Variants in PVT1 observed in about 807,000 individuals in gnomAD.
PVT1 encodes the protein CXCR4/PVT1 fusion.
rs183325457 is a variant in PVT1 at position 127,832,596 on chromosome 8, C to T, written n.372+36525C>T. ...GCACATGGCCGGGTGTGGTGGCTCA[C>T]GCCTGTAATCCCAGCACTTTGGGAG... On this transcript the variant is annotated intron_variant and non_coding_transcript_variant, in intron 2 of 10. Transcript: ENST00000651587. Among the ~76,000 whole-genome samples the T allele has an allele frequency of 2.3e-3, 350 of 152,288 alleles. 2 individuals are homozygous for T. The highest frequency in any genetic ancestry group is 3.4e-3 in the Non-Finnish European group (233 of 68,018).
At chr8:127,931,681 G>C (rs566944477) in intron 3 of PVT1, among the ~76,000 whole-genome samples, 8 of 152,210 alleles carry the variant, frequency 5.3e-5, no homozygotes, top group Non-Finnish European at 1.2e-4. Flanking sequence ...ACCACTGAGC[G>C]GCACTGCCAC....
At chr8:128,083,904 T>C (rs765477720) in intron 5 of PVT1, among the ~76,000 whole-genome samples, 1 of 152,200 alleles carries the variant, frequency 6.6e-6, no homozygotes, top group Non-Finnish European at 1.5e-5. Context: ...TATTTTGAAA[T>C]ATACCTTGTT....
intron 3 of PVT1, chr8:127,946,946 G>A (rs1563647057): frequency 6.6e-6 from 1 of 152,140 alleles, no homozygotes; most frequent in East Asian, 1.9e-4. Flanking sequence ...CTTCCTCCAA[G>A]CAGCAGGCTC....
At chr8:127,810,137 T>A (rs1586388824) in intron 2 of PVT1, among the ~76,000 whole-genome samples, 1 of 152,212 alleles carries the variant, frequency 6.6e-6, no homozygotes, top group South Asian at 2.1e-4. Flanking sequence ...ATGCTGGGCC[T>A]GGGGGGCCAC....
intron 2 of PVT1, among the ~76,000 whole-genome samples, chr8:127,846,994 TTTTTTTTTG>T (rs1301779929): frequency 3.0e-5 from 3 of 98,626 alleles, no homozygotes; most frequent in African/African-American, 1.4e-4. Context: ...TTTTTTTTTT[TTTTTTTTTG>T]TTGTTGTTGT....
At chr8:128,018,666 C>T (rs1817400794) in intron 4 of PVT1, among the ~76,000 whole-genome samples, 1 of 152,166 alleles carries the variant, frequency 6.6e-6, no homozygotes, top group South Asian at 2.1e-4. Context: ...GACCTAGTGT[C>T]CAGCCAGCTT....
chr8:127,964,055 G>A lies in PVT1; in HGVS notation n.783-25107G>A, dbSNP rs144759401. Among the ~76,000 whole-genome samples, 1,475 of 152,360 alleles carry A rather than the reference G, an allele frequency of 9.7e-3. 10 individuals carry two copies. Among genetic ancestry groups the A allele is most frequent in the Non-Finnish European group, 0.017 (1,126 of 68,036 alleles). On this transcript the variant is annotated intron_variant and non_coding_transcript_variant, in intron 3 of 10. Transcript: ENST00000651587. ...GGGAGATCCCCACAGGGACTGCGAA[G>A]GCTTATTGCAGATGAAGGAGTGCCA...
At chr8:128,044,924 T>C (rs1173892616) in intron 4 of PVT1, among the ~76,000 whole-genome samples, 2 of 152,232 alleles carry the variant, frequency 1.3e-5, no homozygotes, top group Non-Finnish European at 1.5e-5. Context: ...ATACAATTCT[T>C]GATATGTAGT....
chr8:128,044,830 T>C (rs1813592210), intron 4 of PVT1, among the ~76,000 whole-genome samples: 1 of 152,258 alleles, frequency 6.6e-6, no homozygotes, highest in Non-Finnish European at 1.5e-5. Context: ...TAAATACCAC[T>C]TGTTTGCCCT....
chr8:128,015,480 A>G (rs1817361797), intron 4 of PVT1, among the ~76,000 whole-genome samples: 1 of 152,182 alleles, frequency 6.6e-6, no homozygotes, highest in African/African-American at 2.4e-5. Context: ...TTTCTAAGTC[A>G]GATAATAGTT....
chr8:127,834,344 T>G (rs917211255), intron 2 of PVT1, among the ~76,000 whole-genome samples: 1 of 152,030 alleles, frequency 6.6e-6, no homozygotes, highest in Admixed American at 6.6e-5. Flanking sequence ...TTAATAATGG[T>G]GTCAGGAAAA....
intron 4 of PVT1, among the ~76,000 whole-genome samples, chr8:128,009,267 TAA>T (rs1817283896): frequency 6.6e-6 from 1 of 152,182 alleles, no homozygotes; most frequent in East Asian, 1.9e-4. Context: ...TTTCCACGAC[TAA>T]AAATTGTTTT....
At chr8:127,998,520 T>A (rs1417734834) in intron 4 of PVT1, among the ~76,000 whole-genome samples, 1 of 134,898 alleles carries the variant, frequency 7.4e-6, no homozygotes, top group Non-Finnish European at 1.5e-5. Flanking sequence ...TTCTTCCTTT[T>A]CTTTCCTTCT....
At chr8:128,002,274 A>G (rs1471796031) in intron 4 of PVT1, among the ~76,000 whole-genome samples, 9 of 152,168 alleles carry the variant, frequency 5.9e-5, no homozygotes, top group African/African-American at 1.4e-4. Context: ...CCAGGGATCC[A>G]TGGGCATGAT....
intron 4 of PVT1, among the ~76,000 whole-genome samples, chr8:128,026,033 C>A (rs1023927323): frequency 5.9e-5 from 9 of 152,026 alleles, no homozygotes; most frequent in Non-Finnish European, 1.3e-4. Context: ...CTCACTGCAA[C>A]CTCCGCCTCC....
intron 4 of PVT1, among the ~76,000 whole-genome samples, chr8:128,068,477 A>T (rs555046806): frequency 6.6e-6 from 1 of 152,164 alleles, no homozygotes; most frequent in South Asian, 2.1e-4. Context: ...GGTTGCCAAA[A>T]ATTAGAATAG....
intron 4 of PVT1, among the ~76,000 whole-genome samples, chr8:128,032,184 C>CT (rs1813399648): frequency 6.6e-6 from 1 of 152,228 alleles, no homozygotes; most frequent in African/African-American, 2.4e-5. Flanking sequence ...TCGGTGGAGT[C>CT]TGTGAGGCCC....
At chr8:128,015,628 C>T (rs910298975) in intron 4 of PVT1, among the ~76,000 whole-genome samples, 1 of 152,016 alleles carries the variant, frequency 6.6e-6, no homozygotes, top group Non-Finnish European at 1.5e-5. Context: ...CCAAAATTAA[C>T]TGGCTGTGGT....
chr8:128,054,462 A>G (rs1431787797), intron 4 of PVT1, among the ~76,000 whole-genome samples: 3 of 152,218 alleles, frequency 2.0e-5, no homozygotes, highest in Non-Finnish European at 4.4e-5. Flanking sequence ...GTATGGCCCA[A>G]GGTCTCACAG....
Sources: gnomAD v4.1 joint callset for allele counts (sites outside exome capture counted in the v4.1 genomes callset) on GRCh38, gnomAD v4.1.1 for gene constraint, MANE v1.5 for transcripts, NCBI Gene and HGNC (gene_info 2026-07-23, HGNC 2026-07-21) for gene names.